The following CCDC178 variants were observed in gnomAD, a reference collection of about 807,000 sequenced individuals.
CCDC178 encodes the protein coiled-coil domain containing 178, also known as coiled-coil domain-containing protein 178.
Under a neutral mutation model 117.4 loss-of-function variants are expected in CCDC178, and 126 were observed. The observed-to-expected ratio is 1.07, with a 90% CI of 0.93 to 1.24. CCDC178 has a LOEUF of 1.24. Ranked by LOEUF, CCDC178 falls within the 50% of genes most tolerant of loss-of-function variation. The pLI, the probability that CCDC178 is intolerant of heterozygous loss-of-function variation, is 0.00. For missense variants in CCDC178, 1,030 were observed against 986.9 expected (o/e 1.04, Z -0.59); for synonymous variants, 283 against 313.4 (o/e 0.90, Z 1.02).
chr18:33,263,741 T>C (rs2059779623), intron 14 of CCDC178, among the ~76,000 whole-genome samples: 1 of 152,130 alleles, frequency 6.6e-6, no homozygotes, highest in Non-Finnish European at 1.5e-5. Flanking sequence ...TGGAGCTTTG[T>C]TAAATATGGC....
intron 20 of CCDC178, among the ~76,000 whole-genome samples, chr18:33,135,354 T>TA (rs2058112223): frequency 6.6e-6 from 1 of 152,024 alleles, no homozygotes; most frequent in Non-Finnish European, 1.5e-5. Flanking sequence ...CACAAAAAAA[T>TA]AATGTATTTT....
chr18:33,226,800 A>T lies in CCDC178; in HGVS notation c.1649T>A (p.Val550Glu). The T allele has an allele frequency of 6.3e-7, 1 of 1,581,254 alleles. No individual in the cohort carries two copies. The highest frequency in any genetic ancestry group is 8.6e-7 in the Non-Finnish European group (1 of 1,159,812). The change falls in exon 16 of 23, where the codon GTG becomes GAG. Residue 550 changes from valine to glutamate, a missense_variant. Physicochemically the swap from Val to Glu is moderately radical, Grantham distance 121. Coordinates refer to ENST00000383096, the MANE Select transcript of CCDC178 (RefSeq NM_001105528.4). ...AAACCAAATCAGTATTACCTGAAGC[A>T]CCATTCCAGCAGCCACTTCACCTTG... The part of the protein sequence containing the change: ...LTQGEVAAGM[V>E]LQKKLYSIYE...
intron 11 of CCDC178, among the ~76,000 whole-genome samples, chr18:33,320,213 G>T (rs1286459071): frequency 3.3e-5 from 5 of 152,096 alleles, no homozygotes; most frequent in African/African-American, 1.2e-4. Context: ...CACCACTCCT[G>T]TTCAACATAG....
intron 12 of CCDC178, among the ~76,000 whole-genome samples, chr18:33,288,330 C>G (rs1438358706): frequency 9.1e-6 from 1 of 110,020 alleles, no homozygotes; most frequent in East Asian, 3.0e-4. Flanking sequence ...CTCCTCTTCC[C>G]TCCTCTCTCC....
chr18:32,978,914 A>G (rs1162124351), intron 21 of CCDC178, among the ~76,000 whole-genome samples: 3 of 151,824 alleles, frequency 2.0e-5, no homozygotes, highest in Admixed American at 2.0e-4. Flanking sequence ...GCGGTTGCCT[A>G]TAGGCCCAGC....
intron 21 of CCDC178, among the ~76,000 whole-genome samples, chr18:33,084,166 A>G (rs1388843226): frequency 2.0e-5 from 3 of 152,108 alleles, no homozygotes; most frequent in African/African-American, 7.2e-5. Flanking sequence ...TTGTTTCAGG[A>G]CAAGTTAGAA....
rs191796675 is a variant in CCDC178 at position 33,346,359 on chromosome 18, G to C, written c.510C>G (p.Ala170=). Residue 170 remains alanine (A), a synonymous_variant, in exon 9 of 23, where the codon GCC becomes GCG. Coordinates refer to ENST00000383096, the MANE Select transcript of CCDC178 (RefSeq NM_001105528.4). ...TTTCTAGACTTTTAATGAGACGAAT[G>C]GCCTCTGAGAGCAATGTTTCCATTT... is the stretch of plus-strand genomic sequence containing the variant. The part of the protein sequence containing the change: ...KQEMETLLSE[A]IRLIKSLETD... The C allele has an allele frequency of 6.2e-7, 1 of 1,613,488 alleles. No homozygotes were observed. Among genetic ancestry groups the C allele is most frequent in the African/African-American group, 1.3e-5 (1 of 74,964 alleles).
intron 12 of CCDC178, among the ~76,000 whole-genome samples, chr18:33,284,883 C>T (rs1488320624): frequency 1.3e-5 from 2 of 151,576 alleles, no homozygotes; most frequent in Admixed American, 6.6e-5. Flanking sequence ...TCAGGAAATG[C>T]AACTGTACTG....
chr18:33,143,973 A>C (rs2058241009), intron 20 of CCDC178, among the ~76,000 whole-genome samples: 3 of 152,176 alleles, frequency 2.0e-5, no homozygotes, highest in Middle Eastern at 3.4e-3. Context: ...AATGACTCCT[A>C]CACAGACTCA....
intron 22 of CCDC178, among the ~76,000 whole-genome samples, chr18:32,946,234 G>A (rs1313369496): frequency 6.6e-6 from 1 of 152,064 alleles, no homozygotes; most frequent in East Asian, 1.9e-4. Context: ...CCTTGTAGAT[G>A]GTTGACTCTC....
chr18:33,087,620 C>T (rs1015833612), intron 21 of CCDC178, among the ~76,000 whole-genome samples: 7 of 149,396 alleles, frequency 4.7e-5, no homozygotes, highest in African/African-American at 1.5e-4. Context: ...GTCCACATGC[C>T]TGTGTTCTAA....
At chr18:33,050,107 T>G (rs529237711) in intron 21 of CCDC178, among the ~76,000 whole-genome samples, 1 of 152,016 alleles carries the variant, frequency 6.6e-6, no homozygotes, top group South Asian at 2.1e-4. Context: ...ATAAATAATA[T>G]TTTAAGAATA....
chr18:33,414,024 C>A (rs1568211390), intron 2 of CCDC178, among the ~76,000 whole-genome samples: 1 of 152,010 alleles, frequency 6.6e-6, no homozygotes, highest in Non-Finnish European at 1.5e-5. Flanking sequence ...GACTATGTAA[C>A]CAAAATCAAC....
chr18:32,999,146 C>T (rs540407865), intron 21 of CCDC178, among the ~76,000 whole-genome samples: 13 of 152,234 alleles, frequency 8.5e-5, no homozygotes, highest in African/African-American at 3.1e-4. Context: ...GCATTCACCA[C>T]AAGCTGAACA....
chr18:32,942,416 T>C (rs1427135617), intron 22 of CCDC178, among the ~76,000 whole-genome samples: 3 of 152,124 alleles, frequency 2.0e-5, no homozygotes, highest in African/African-American at 4.8e-5. Context: ...TGATTTATAC[T>C]GCAATTAAGG....
At chr18:32,956,509 T>TA (rs1279076792) in intron 22 of CCDC178, 20 of 152,296 alleles carry the variant, frequency 1.3e-4, no homozygotes, top group African/African-American at 4.8e-4. Flanking sequence ...ACTTTGCCTC[T>TA]TCTCCCCTCT....
At chr18:33,430,870 A>C (rs1407490692) in intron 2 of CCDC178, among the ~76,000 whole-genome samples, 1 of 151,426 alleles carries the variant, frequency 6.6e-6, no homozygotes, top group Non-Finnish European at 1.5e-5. Flanking sequence ...CAGGAGTTCG[A>C]GACCAGCCTG....
At chr18:33,266,238 C>T (rs1343363231) in intron 14 of CCDC178, among the ~76,000 whole-genome samples, 1 of 151,958 alleles carries the variant, frequency 6.6e-6, no homozygotes, top group Non-Finnish European at 1.5e-5. Context: ...ATCTCATGCT[C>T]TCTTGCCCCA....
chr18:33,284,550 C>CA (rs200012980), intron 12 of CCDC178, among the ~76,000 whole-genome samples: 1 of 151,458 alleles, frequency 6.6e-6, no homozygotes, highest in Non-Finnish European at 1.5e-5. Flanking sequence ...TGTTTATATA[C>CA]AAAAAAAATG....
Sources: gnomAD v4.1 joint callset for allele counts (sites outside exome capture counted in the v4.1 genomes callset) on GRCh38, gnomAD v4.1.1 for gene constraint, MANE v1.5 for transcripts, NCBI Gene and HGNC (gene_info 2026-07-23, HGNC 2026-07-21) for gene names.